The following LYSET variants were observed in gnomAD, a reference collection of about 807,000 sequenced individuals.
LYSET encodes lysosomal enzyme trafficking factor.
chr14:93,187,995 G>A, the LYSET span, among the ~76,000 whole-genome samples: 1 of 151,462 alleles, frequency 6.6e-6, no homozygotes, highest in African/African-American at 2.4e-5. Flanking sequence ...GTCTTGCTCT[G>A]TAGCCCAGAC....
the LYSET span, chr14:93,186,280 T>G: frequency 6.2e-7 from 1 of 1,613,948 alleles, no homozygotes. Flanking sequence ...TGGAGAATGA[T>G]GAACTTCCGT....
At chr14:93,185,393 G>C in the LYSET span, 1 of 1,611,140 alleles carries the variant, frequency 6.2e-7, no homozygotes, top group Non-Finnish European at 8.5e-7. Context: ...ATTTTATGTT[G>C]GCTTTCTCTG....
the LYSET span, among the ~76,000 whole-genome samples, chr14:93,188,032 C>T: frequency 1.1e-4 from 17 of 151,790 alleles, no homozygotes; most frequent in African/African-American, 4.1e-4. Context: ...GATCTCAGCT[C>T]ACTGCAACCT....
the LYSET span, chr14:93,185,520 G>T: frequency 6.3e-7 from 1 of 1,576,922 alleles, no homozygotes; most frequent in South Asian, 1.1e-5. Flanking sequence ...TAACTTGGGG[G>T]CTTGACTTGT....
At chr14:93,188,190 C>T in the LYSET span, among the ~76,000 whole-genome samples, 2 of 151,898 alleles carry the variant, frequency 1.3e-5, no homozygotes. Flanking sequence ...AACTCCTGAC[C>T]TCAAGTGATA....
At chr14:93,185,440 ACT>A in the LYSET span, 3 of 1,613,392 alleles carry the variant, frequency 1.9e-6, no homozygotes, top group Non-Finnish European at 2.5e-6. Flanking sequence ...GAGCTGAGTG[ACT>A]CTTTAACGCT....
the LYSET span, among the ~76,000 whole-genome samples, chr14:93,185,715 A>T: frequency 6.6e-6 from 1 of 152,206 alleles, no homozygotes; most frequent in South Asian, 2.1e-4. Context: ...AACTCAGTAT[A>T]TACTGAAATC....
the LYSET span, chr14:93,185,541 G>T: frequency 1.4e-6 from 2 of 1,430,078 alleles, no homozygotes; most frequent in South Asian, 2.3e-5. Context: ...AGCACCCCGC[G>T]TTCACGTCTG....
At chr14:93,186,260 G>T in the LYSET span, 1 of 1,609,964 alleles carries the variant, frequency 6.2e-7, no homozygotes, top group South Asian at 1.1e-5. Flanking sequence ...TAATTTGAAG[G>T]CACAGAGCAT....
the LYSET span, chr14:93,186,229 C>T: frequency 1.3e-6 from 2 of 1,576,414 alleles, no homozygotes; most frequent in Non-Finnish European, 1.7e-6. Flanking sequence ...CATTACTAGA[C>T]CCTAATTGTA....
At chr14:93,187,400 A>G in the LYSET span, among the ~76,000 whole-genome samples, 3 of 152,066 alleles carry the variant, frequency 2.0e-5, no homozygotes, top group African/African-American at 7.2e-5. Flanking sequence ...CTAGGATTAC[A>G]GGTGTGAGCT....
chr14:93,187,830 G>T, the LYSET span, among the ~76,000 whole-genome samples: 2 of 151,564 alleles, frequency 1.3e-5, no homozygotes, highest in Non-Finnish European at 2.9e-5. Context: ...TGTTATTTTA[G>T]TAGAGACAGG....
the LYSET span, chr14:93,186,501 C>A: frequency 9.2e-5 from 148 of 1,614,086 alleles, no homozygotes; most frequent in Non-Finnish European, 1.2e-4. Flanking sequence ...AGTTATTTTT[C>A]TGGTACCTTA....
chr14:93,185,445 T>G, the LYSET span: 2 of 1,613,608 alleles, frequency 1.2e-6, no homozygotes, highest in Non-Finnish European at 1.7e-6. Flanking sequence ...GAGTGACTCT[T>G]TAACGCTTGC....
chr14:93,186,364 T>C, the LYSET span: 4 of 1,614,188 alleles, frequency 2.5e-6, no homozygotes, highest in Non-Finnish European at 3.4e-6. Context: ...GTTTTTGAAA[T>C]CAGTGAGACT....
chr14:93,186,423 C>T, the LYSET span: 1 of 1,614,152 alleles, frequency 6.2e-7, no homozygotes, highest in Non-Finnish European at 8.5e-7. Flanking sequence ...TGAGGAGCCC[C>T]TTGAAGGAAC....
the LYSET span, chr14:93,185,526 C>T: frequency 2.0e-6 from 3 of 1,522,446 alleles, no homozygotes; most frequent in Non-Finnish European, 1.8e-6. Context: ...GGGGGCTTGA[C>T]TTGTAGCACC....
the LYSET span, chr14:93,186,413 T>C: frequency 6.2e-7 from 1 of 1,614,198 alleles, no homozygotes. Context: ...AACAGCACCC[T>C]GAGGAGCCCC....
At chr14:93,186,434 C>T in the LYSET span, 1 of 1,614,198 alleles carries the variant, frequency 6.2e-7, no homozygotes, top group Non-Finnish European at 8.5e-7. Flanking sequence ...TTGAAGGAAC[C>T]ACATGGACAC....
Sources: gnomAD v4.1 joint callset for allele counts (sites outside exome capture counted in the v4.1 genomes callset) on GRCh38, gnomAD v4.1.1 for gene constraint, MANE v1.5 for transcripts, NCBI Gene and HGNC (gene_info 2026-07-23, HGNC 2026-07-21) for gene names.